The following TMEM38A variants were observed in gnomAD, a reference collection of about 807,000 sequenced individuals.
The protein encoded by TMEM38A is trimeric intracellular cation channel type A.
A neutral mutation model predicts 28.6 loss-of-function variants in TMEM38A; 17 were observed. That is an observed-to-expected ratio of 0.60 (90% CI 0.41 to 0.89). TMEM38A has a LOEUF of 0.89. Among genes scored for constraint, TMEM38A ranks in the 40% least tolerant of loss-of-function variants. The pLI is 0.00. For synonymous variants in TMEM38A, 169 were observed against 166.1 expected (o/e 1.02, Z -0.14); for missense variants, 328 against 393.1 (o/e 0.83, Z 1.40).
intron 1 of TMEM38A, among the ~76,000 whole-genome samples, chr19:16,663,768 C>A (rs187168710): frequency 0.01 from 1,570 of 151,644 alleles, 21 homozygotes; most frequent in Middle Eastern, 0.034. Context: ...GATTTCCTGA[C>A]CTTGTGATCC....
chr19:16,676,755 C>CTTTTT (rs960732087), intron 1 of TMEM38A, among the ~76,000 whole-genome samples: 9 of 119,268 alleles, frequency 7.5e-5, no homozygotes, highest in African/African-American at 1.1e-4. Flanking sequence ...TTTTCATGAC[C>CTTTTT]TTTTTTTTTT....
chr19:16,662,485 G>A (rs1027718391), intron 1 of TMEM38A, among the ~76,000 whole-genome samples: 65 of 118,768 alleles, frequency 5.5e-4, no homozygotes, highest in African/African-American at 1.9e-3. Context: ...ATGGAGTTTC[G>A]CTCTGTCGCC....
chr19:16,680,257 C>T, intron 2 of TMEM38A, 117 bp downstream of exon 2: 5 of 1,483,580 alleles, frequency 3.4e-6, no homozygotes, highest in Non-Finnish European at 4.6e-6. Flanking sequence ...TCATGATGGC[C>T]CTGAATATGC....
rs2086777857 is a variant in TMEM38A at position 16,680,566 on chromosome 19, A to C, written c.451A>C (p.Thr151Pro). ...YHHGWFVMIA[T>P]GWVKGSGVAL... ...CCACGGGTGGTTCGTCATGATTGCA[A>C]CTGGGTGGGTCAAAGGTAAATAGGA... is the stretch of plus-strand genomic sequence containing the variant. The change falls in exon 3 of 6, where the codon ACT (threonine) becomes CCT (proline). Residue 151 changes from threonine to proline, a missense_variant. Coordinates refer to ENST00000187762, the MANE Select transcript of TMEM38A (RefSeq NM_024074.4). 6.2e-7 allele frequency: 1 copy of C among 1,613,844 alleles called. No individual in the cohort carries two copies. The highest frequency in any genetic ancestry group is 1.3e-5 in the African/African-American group (1 of 74,914).
chr19:16,681,737 C>T (rs1305079838), intron 3 of TMEM38A, among the ~76,000 whole-genome samples: 4 of 152,074 alleles, frequency 2.6e-5, no homozygotes, highest in Non-Finnish European at 5.9e-5. Context: ...AGTAGCGCTC[C>T]CTCCCCAGCT....
At chr19:16,685,401 A>G (rs1452511118) in intron 4 of TMEM38A, among the ~76,000 whole-genome samples, 1 of 152,112 alleles carries the variant, frequency 6.6e-6, no homozygotes, top group East Asian at 1.9e-4. Flanking sequence ...CAAACAAGAA[A>G]TCAGCAGGGG....
rs1033381515 is a variant in TMEM38A at position 16,685,050 on chromosome 19, G to GTAAATAAATAAA, written c.555-1213_555-1202dup. Among the ~76,000 whole-genome samples, 455 of 149,314 alleles carry GTAAATAAATAAA rather than the reference G, an allele frequency of 3.0e-3. 3 individuals are homozygous for GTAAATAAATAAA. Among genetic ancestry groups the GTAAATAAATAAA allele is most frequent in the African/African-American group, 0.011 (437 of 39,752 alleles). ...GGTGATAGAGAGAGACCCTGTCTCT[G>GTAAATAAATAAA]TAAATAAATAAATAAATAAATAAAT... On this transcript the variant is annotated intron_variant, in intron 4 of 5. Coordinates refer to ENST00000187762, the MANE Select transcript of TMEM38A (RefSeq NM_024074.4).
chr19:16,667,312 G>C (rs1189468473), intron 1 of TMEM38A, among the ~76,000 whole-genome samples: 3 of 151,808 alleles, frequency 2.0e-5, no homozygotes, highest in Non-Finnish European at 2.9e-5. Flanking sequence ...GCAGAACCCA[G>C]GCCCCACCCA....
chr19:16,671,201 C>CTTTTTTTTTTTTTTTTTTTTTTT (rs34550977), intron 1 of TMEM38A, among the ~76,000 whole-genome samples: 3 of 84,856 alleles, frequency 3.5e-5, no homozygotes, highest in African/African-American at 1.3e-4. Context: ...AGGACCTGGG[C>CTTTTTTTTTTTTTTTTTTTTTTT]TTTTTTTTTT....
chr19:16,666,101 C>T (rs1306906578), intron 1 of TMEM38A, among the ~76,000 whole-genome samples: 1 of 152,048 alleles, frequency 6.6e-6, no homozygotes, highest in Non-Finnish European at 1.5e-5. Context: ...CTGCCTCAGC[C>T]TCCCGAGAAG....
chr19:16,666,280 A>AT lies in TMEM38A; in HGVS notation c.124+4947dup, dbSNP rs200213409. On this transcript the variant is annotated intron_variant, in intron 1 of 5. Transcript: ENST00000187762. ...AGACATCAGCCATTGCGCCTGGCCCATTTTTTTTGTATTTTTAGTAGAGAT... is the reference window on the plus strand; with the variant it reads ...AGACATCAGCCATTGCGCCTGGCCCATTTTTTTTTGTATTTTTAGTAGAGAT... 6.3e-4 allele frequency among the ~76,000 whole-genome samples: 95 copies of AT among 150,924 alleles called. 1 individual carries two copies. The East Asian group carries it at 0.014, about 22-fold the overall frequency.
intron 1 of TMEM38A, among the ~76,000 whole-genome samples, chr19:16,673,683 CT>C (rs1445572906): frequency 1.3e-5 from 2 of 152,154 alleles, no homozygotes; most frequent in African/African-American, 4.8e-5. Flanking sequence ...TTATTTCCCC[CT>C]GTGAGGTTGA....
rs1458696351 is a variant in TMEM38A at position 16,688,586 on chromosome 19, C to G, written c.*215C>G. 2.5e-6 allele frequency: 1 copy of G among 395,936 alleles called. No homozygotes were observed. Among genetic ancestry groups the G allele is most frequent in the African/African-American group, 2.1e-5 (1 of 48,460 alleles). 24.5% of individuals were successfully genotyped at this position (395,936 alleles called of 1,614,324 possible). ...ATCGGGGTTCCCTCTTTCTCTCTGC[C>G]AGGACCCCATAGAGTCACAGCTTTT... On this transcript the variant is annotated 3_prime_UTR_variant, in exon 6 of 6. Coordinates refer to ENST00000187762, the MANE Select transcript of TMEM38A (RefSeq NM_024074.4).
chr19:16,666,397 G>A (rs948424472), intron 1 of TMEM38A, among the ~76,000 whole-genome samples: 2 of 151,910 alleles, frequency 1.3e-5, no homozygotes, highest in East Asian at 3.9e-4. Context: ...AATTACAGGT[G>A]TGAGCCACTG....
At chr19:16,662,598 C>T (rs983435511) in intron 1 of TMEM38A, among the ~76,000 whole-genome samples, 5 of 151,258 alleles carry the variant, frequency 3.3e-5, no homozygotes, top group African/African-American at 7.3e-5. Flanking sequence ...GGACTACAGG[C>T]ACCCGCCACT....
At chr19:16,675,303 G>A (rs906511605) in intron 1 of TMEM38A, among the ~76,000 whole-genome samples, 5 of 149,586 alleles carry the variant, frequency 3.3e-5, no homozygotes, top group African/African-American at 7.4e-5. Flanking sequence ...CCTTGATCAC[G>A]GCTCACTGCA....
At chr19:16,675,217 C>G (rs1366735158) in intron 1 of TMEM38A, among the ~76,000 whole-genome samples, 1 of 152,076 alleles carries the variant, frequency 6.6e-6, no homozygotes, top group Non-Finnish European at 1.5e-5. Flanking sequence ...CAGAGAGCAG[C>G]AGGCTTTCTC....
At chr19:16,684,911 C>T (rs2086795524) in intron 4 of TMEM38A, among the ~76,000 whole-genome samples, 1 of 151,196 alleles carries the variant, frequency 6.6e-6, no homozygotes. Context: ...TAAGCAGGCA[C>T]AGTGGCACAT....
intron 3 of TMEM38A, chr19:16,680,905 A>G (rs934508903): frequency 2.0e-5 from 6 of 296,324 alleles, no homozygotes; most frequent in Non-Finnish European, 3.3e-5. Flanking sequence ...CTTGTGCACT[A>G]TAGGATGTTG....
Sources: gnomAD v4.1 joint callset for allele counts (sites outside exome capture counted in the v4.1 genomes callset) on GRCh38, gnomAD v4.1.1 for gene constraint, MANE v1.5 for transcripts, NCBI Gene and HGNC (gene_info 2026-07-23, HGNC 2026-07-21) for gene names.